The following PARP14 variants were observed in gnomAD, a reference collection of about 807,000 sequenced individuals.
PARP14 encodes protein mono-ADP-ribosyltransferase PARP14.
Under a neutral mutation model 154.2 loss-of-function variants are expected in PARP14, and 59 were observed. That is an observed-to-expected ratio of 0.38 (90% CI 0.31 to 0.48). The LOEUF is 0.48. PARP14 is among the 20% of genes least tolerant of loss of function. The pLI is 0.98. For missense variants in PARP14, 1,734 were observed against 2,131.6 expected (o/e 0.81, Z 3.67); for synonymous variants, 720 against 780.5 (o/e 0.92, Z 1.29).
chr3:122,699,868 A>G lies in PARP14; in HGVS notation c.1314A>G (p.Lys438=). The stretch of plus-strand genomic sequence containing the variant: ...AGGAGATGGTAATCTTAGCAGGGAA[A>G]TCAGAGGATGTCCAAAGCATTGAGG... ...TLKEMVILAG[K]SEDVQSIEVQ... is the part of the protein sequence containing the mutation. The change falls in exon 6 of 17, where the codon AAA becomes AAG. Residue 438 remains lysine (K), a synonymous_variant. Transcript: ENST00000474629. 6.2e-7 allele frequency: 1 copy of G among 1,614,008 alleles called. No individual in the cohort carries two copies. The highest frequency in any genetic ancestry group is 8.5e-7 in the Non-Finnish European group (1 of 1,179,844).
At chr3:122,721,225 T>C in intron 15 of PARP14, 1 of 231,736 alleles carries the variant, frequency 4.3e-6, no homozygotes, top group Non-Finnish European at 8.6e-6. Context: ...TGTCAATAGC[T>C]CCCAAATCAA....
At chr3:122,714,126 T>G in intron 11 of PARP14, 136 bp from the exon 12 acceptor site, 2 of 796,228 alleles carry the variant, frequency 2.5e-6, no homozygotes, top group Non-Finnish European at 4.0e-6. Flanking sequence ...AGTCATAGCA[T>G]TCCATCAAAG....
chr3:122,719,074 A>G (rs1003591634), intron 14 of PARP14, 116 bp downstream of exon 14: 8 of 1,044,434 alleles, frequency 7.7e-6, no homozygotes, highest in Non-Finnish European at 8.0e-6. Flanking sequence ...CACTAATGAA[A>G]TAAACTAGAA....
rs1257623677 is a variant in PARP14, at chr3:122,701,226, C to T, written c.2672C>T (p.Pro891Leu). The change falls in exon 6 of 17, where the codon CCG becomes CTG. Residue 891 changes from proline to leucine, a missense_variant. Pro to Leu is a moderately conservative substitution (Grantham distance 98, BLOSUM62 -3). Transcript: ENST00000474629. This position sits in a 1 kb window ranked among gnomAD's most constrained non-coding sequence, Gnocchi z 4.0. ...VGPRWSGYEA[P>L]RCVYLLRRAV... ...CCCCGCTGGAGCGGATATGAGGCCC[C>T]GAGGTGTGTGTACCTATTAAGGAGA... 1.1e-5 allele frequency: 17 copies of T among 1,613,290 alleles called. No individual in the cohort carries two copies. The highest frequency in any genetic ancestry group is 1.4e-5 in the Non-Finnish European group (17 of 1,179,634).
Position 122,700,786 on chromosome 3 carries a change from T to A in PARP14, c.2232T>A (p.His744Gln). Reference protein sequence around the residue: ...VWDSVCVKSVHTDKPGAKQFF... With the variant: ...VWDSVCVKSVQTDKPGAKQFF... The stretch of plus-strand genomic sequence containing the variant: ...ATTCAGTCTGTGTTAAAAGTGTCCA[T>A]ACTGATAAGCCAGGAGCCAAGCAGT... Residue 744 changes from histidine (H) to glutamine (Q), a missense_variant, in exon 6 of 17, where the codon CAT becomes CAA. His to Gln is a conservative substitution (Grantham distance 24, BLOSUM62 0). Coordinates refer to ENST00000474629, the MANE Select transcript of PARP14 (RefSeq NM_017554.3). 6.2e-7 allele frequency: 1 copy of A among 1,613,642 alleles called. No homozygotes were observed. The highest frequency in any genetic ancestry group is 1.3e-5 in the African/African-American group (1 of 75,050).
Position 122,699,809 on chromosome 3 carries a change from G to A in PARP14, c.1255G>A (p.Asp419Asn). ...GGACACCATAAAAAATGATGTGAAA[G>A]ATGACAGGATTTTGATTGAGTTTGA... ...MWDTIKNDVK[D>N]DRILIEFDTL... Residue 419 changes from aspartate to asparagine, a missense_variant, in exon 6 of 17, where the codon GAT becomes AAT. Asp to Asn is a conservative substitution (Grantham distance 23). This residue lies in a region of PARP14 where 1,646 missense variants were observed against 1,976.0 expected (regional missense o/e 0.83). Transcript: ENST00000474629. 6.2e-7 allele frequency: 1 copy of A among 1,614,046 alleles called. No homozygotes were observed. Among genetic ancestry groups the A allele is most frequent in the Non-Finnish European group, 8.5e-7 (1 of 1,179,878 alleles).
intron 5 of PARP14, among the ~76,000 whole-genome samples, chr3:122,698,879 T>G (rs1045022719): frequency 1.3e-5 from 2 of 152,142 alleles, no homozygotes; most frequent in Admixed American, 6.5e-5. Context: ...AGCTTCACTT[T>G]GAGCACCAAA....
At chr3:122,695,717 C>A in intron 5 of PARP14, 55 bp downstream of exon 5, 2 of 776,948 alleles carry the variant, frequency 2.6e-6, no homozygotes, top group Non-Finnish European at 4.3e-6. Context: ...ATTAGCAGAG[C>A]TTAATAGTTA....
chr3:122,719,982 T>C (rs534801897), intron 14 of PARP14, among the ~76,000 whole-genome samples: 2 of 152,212 alleles, frequency 1.3e-5, no homozygotes, highest in African/African-American at 4.8e-5. Flanking sequence ...AATCGTAGTA[T>C]GATCCAAACT....
chr3:122,685,085 C>A, intron 1 of PARP14, 100 bp from the exon 2 acceptor site: 2 of 1,303,690 alleles, frequency 1.5e-6, no homozygotes, highest in South Asian at 1.3e-5. Flanking sequence ...ACCGACCAAG[C>A]CATTGATTGA....
Position 122,701,659 on chromosome 3 carries a change from C to T in PARP14, c.3081+24C>T. 1 of 1,494,416 alleles carries T rather than the reference C, an allele frequency of 6.7e-7. No individual in the cohort carries two copies. The highest frequency in any genetic ancestry group is 2.4e-5 in the East Asian group (1 of 41,798). The allele number at this position is 1,494,416 out of a possible 1,614,324, so 92.6% of individuals were successfully genotyped here. On this transcript the variant is annotated intron_variant, in intron 6 of 16. Coordinates refer to ENST00000474629, the MANE Select transcript of PARP14 (RefSeq NM_017554.3). The surrounding 1 kb of genome is among the most constrained non-coding windows in gnomAD (Gnocchi z 4.0). ...AGGTGAGTGTCGCTTTTACAGAACA[C>T]CACCAGGGCACTGTGACTTTACTTA...
At chr3:122,691,361 G>A (rs10934611) in intron 3 of PARP14, among the ~76,000 whole-genome samples, 18,178 of 152,206 alleles carry the variant, frequency 0.12, 1,240 homozygotes, top group Admixed American at 0.15. Context: ...CATACAGTGA[G>A]ACTGACCTTG....
chr3:122,688,605 C>G (rs899968798), intron 3 of PARP14, among the ~76,000 whole-genome samples: 1 of 152,228 alleles, frequency 6.6e-6, no homozygotes, highest in African/African-American at 2.4e-5. Context: ...TTACCCCACA[C>G]TGATCCCTGA....
chr3:122,701,522 G>T lies in PARP14; in HGVS notation c.2968G>T (p.Gly990Cys). 6.2e-7 allele frequency: 1 copy of T among 1,613,220 alleles called. No homozygotes were observed. Among genetic ancestry groups the T allele is most frequent in the Non-Finnish European group, 8.5e-7 (1 of 1,179,478 alleles). ...ATLPDTAAPP[G>C]LPPAAAGPGK... ...CCTGCCAGATACAGCTGCCCCGCCA[G>T]GTTTACCACCAGCAGCAGCGGGGCC... The change falls in exon 6 of 17, where the codon GGT becomes TGT. Residue 990 changes from glycine to cysteine, a missense_variant. Around this residue, in one of 2 missense-constraint regions of PARP14, gnomAD observed 1,646 missense variants for 1,976.0 expected, o/e 0.83. Transcript: ENST00000474629. This position sits in a 1 kb window ranked among gnomAD's most constrained non-coding sequence, Gnocchi z 4.0.
intron 3 of PARP14, among the ~76,000 whole-genome samples, chr3:122,690,723 G>T (rs1014942645): frequency 4.6e-5 from 7 of 152,172 alleles, no homozygotes; most frequent in Non-Finnish European, 1.0e-4. Flanking sequence ...CATTGGCCAG[G>T]CTAGTCTGGA....
chr3:122,708,339 C>G, intron 9 of PARP14, 71 bp downstream of exon 9: 2 of 757,928 alleles, frequency 2.6e-6, no homozygotes, highest in Non-Finnish European at 4.4e-6. Flanking sequence ...AGGTAAAAGA[C>G]AGTAGTGATA....
Position 122,700,289 on chromosome 3 carries a change from A to C in PARP14, c.1735A>C (p.Ser579Arg). ...AGAGGGTACAACTGTTCTCTTAACC[A>C]GCTGTTCTTCTGAAGCCCTGTTAGA... ...ELEGTTVLLT[S>R]CSSEALLEAE... is the part of the protein sequence containing the mutation. Residue 579 changes from serine to arginine, a missense_variant, in exon 6 of 17, where the codon AGC (serine) becomes CGC (arginine). Ser to Arg is a moderately radical substitution (Grantham distance 110, BLOSUM62 -1). This residue lies in a region of PARP14 where 1,646 missense variants were observed against 1,976.0 expected (regional missense o/e 0.83). Transcript: ENST00000474629. 2 of 1,613,426 alleles carry C rather than the reference A, an allele frequency of 1.2e-6. No homozygotes were observed. The highest frequency in any genetic ancestry group is 2.2e-5 in the South Asian group (2 of 90,968).
intron 15 of PARP14, among the ~76,000 whole-genome samples, chr3:122,724,460 A>ATTTTTTTTTTTTTTTTTT (rs956215914): frequency 9.8e-6 from 1 of 102,036 alleles, no homozygotes; most frequent in African/African-American, 4.0e-5. Flanking sequence ...CACCACGCCT[A>ATTTTTTTTTTTTTTTTTT]TTTTTTTTTT....
At chr3:122,709,711 C>T (rs1371808708) in intron 9 of PARP14, among the ~76,000 whole-genome samples, 1 of 152,016 alleles carries the variant, frequency 6.6e-6, no homozygotes, top group Non-Finnish European at 1.5e-5. Flanking sequence ...TCTATTGTTT[C>T]TTGACTTAAG....
Sources: gnomAD v4.1 joint callset for allele counts (sites outside exome capture counted in the v4.1 genomes callset) on GRCh38, gnomAD v4.1.1 for gene constraint, gnomAD v4.1.1 regional missense constraint, Gnocchi (gnomAD v3.1) non-coding constraint, MANE v1.5 for transcripts, NCBI Gene and HGNC (gene_info 2026-07-23, HGNC 2026-07-21) for gene names.